Variants in UBE3C observed in about 807,000 individuals in gnomAD.
The protein encoded by UBE3C is ubiquitin-protein ligase E3C.
In UBE3C, 42 loss-of-function variants were observed where a neutral mutation model predicts 129.4. The ratio of observed to expected loss-of-function variants is 0.32; its 90% confidence interval spans 0.25 to 0.42. The LOEUF is 0.42. Among genes scored for constraint, UBE3C ranks in the 10% least tolerant of loss-of-function variants. UBE3C has a pLI of 1.00. For synonymous variants in UBE3C, 510 were observed against 492.4 expected (o/e 1.04, Z -0.47); for missense variants, 1,049 against 1,319.1 (o/e 0.80, Z 3.17).
chr7:157,139,449 T>G lies in UBE3C; in HGVS notation c.66+111T>G. The G allele has an allele frequency of 1.2e-5, 6 of 486,376 alleles. No homozygotes were observed. The South Asian group carries it at 1.4e-4, about 12-fold the overall frequency. The allele number at this position is 486,376 out of a possible 1,614,324, so 30.1% of individuals were successfully genotyped here. On this transcript the variant is annotated intron_variant, in intron 1 of 22. Transcript: ENST00000348165. ...TGGACTCGGGGCCGAGACTTGGGGCTGGATTCGGGGCCTCCCTGGCGGGGA... is the reference window on the plus strand; with the variant it reads ...TGGACTCGGGGCCGAGACTTGGGGCGGGATTCGGGGCCTCCCTGGCGGGGA...
chr7:157,184,657 A>T (rs1808759782), intron 9 of UBE3C, among the ~76,000 whole-genome samples: 1 of 152,216 alleles, frequency 6.6e-6, no homozygotes, highest in South Asian at 2.1e-4. Flanking sequence ...TATATTGATT[A>T]CTACTAAGTG....
At chr7:157,183,344 G>C (rs188080269) in intron 8 of UBE3C, among the ~76,000 whole-genome samples, 11 of 152,182 alleles carry the variant, frequency 7.2e-5, no homozygotes, top group African/African-American at 2.4e-4. Flanking sequence ...ATTGGTAATT[G>C]ACTAAGACAG....
intron 19 of UBE3C, among the ~76,000 whole-genome samples, chr7:157,251,122 T>C (rs1459343907): frequency 1.3e-5 from 2 of 152,232 alleles, no homozygotes; most frequent in African/African-American, 2.4e-5. Flanking sequence ...GTGAAGCACC[T>C]AATTTAGAGG....
intron 14 of UBE3C, among the ~76,000 whole-genome samples, chr7:157,220,031 C>A (rs1288856268): frequency 1.3e-5 from 2 of 151,942 alleles, no homozygotes; most frequent in Non-Finnish European, 2.9e-5. Flanking sequence ...GGCAAGATAG[C>A]AAAACCCCAT....
At chr7:157,235,184 T>C (rs73176427) in intron 18 of UBE3C, among the ~76,000 whole-genome samples, 29,875 of 151,936 alleles carry the variant, frequency 0.2, 3,131 homozygotes, top group East Asian at 0.39. Context: ...AGCAAAACTC[T>C]GTCTCAAATT....
chr7:157,168,244 G>A (rs978442715), intron 2 of UBE3C, among the ~76,000 whole-genome samples: 45 of 151,336 alleles, frequency 3.0e-4, no homozygotes, highest in Admixed American at 5.9e-4. Flanking sequence ...CCAGCTACTC[G>A]GGAGGCTGAG....
chr7:157,250,014 G>A (rs1050063789), intron 19 of UBE3C, among the ~76,000 whole-genome samples: 17 of 152,080 alleles, frequency 1.1e-4, no homozygotes, highest in African/African-American at 3.9e-4. Context: ...AATTTGGGGG[G>A]AAAAAATACA....
chr7:157,235,666 A>G (rs961148202), intron 18 of UBE3C, among the ~76,000 whole-genome samples: 2 of 152,242 alleles, frequency 1.3e-5, no homozygotes, highest in Non-Finnish European at 2.9e-5. Context: ...TATGTAAGTT[A>G]TATCTTATTA....
intron 10 of UBE3C, among the ~76,000 whole-genome samples, chr7:157,188,363 A>C (rs1808866416): frequency 6.6e-6 from 1 of 152,254 alleles, no homozygotes; most frequent in South Asian, 2.1e-4. Flanking sequence ...AATGTGGCCA[A>C]CTAATGAGGT....
chr7:157,261,339 A>T (rs991523379), intron 22 of UBE3C, among the ~76,000 whole-genome samples: 3 of 102,156 alleles, frequency 2.9e-5, no homozygotes, highest in African/African-American at 7.3e-5. Flanking sequence ...AAAAAAAAAA[A>T]TCCCAAATAG....
At chr7:157,190,854 A>G (rs1808942447) in intron 10 of UBE3C, among the ~76,000 whole-genome samples, 1 of 152,222 alleles carries the variant, frequency 6.6e-6, no homozygotes, top group Admixed American at 6.5e-5. Context: ...AAAAAGGCAT[A>G]TCTTGCATTT....
Position 157,231,604 on chromosome 7 carries a change from C to T in UBE3C, c.2481+277C>T, listed in dbSNP as rs78185185. The T allele has an allele frequency of 1.7e-3, 665 of 395,780 alleles. 2 individuals are homozygous for T. Among genetic ancestry groups the T allele is most frequent in the African/African-American group, 0.012 (563 of 48,756 alleles). The allele number at this position is 395,780 out of a possible 1,614,324, so 24.5% of individuals were successfully genotyped here. The stretch of plus-strand genomic sequence containing the variant: ...GGTGATTAGATCATGTGAGCTCGGC[C>T]GTCATGAATGGATGAGTGGTTTATT... On this transcript the variant is annotated intron_variant, in intron 18 of 22. Transcript: ENST00000348165.
At chr7:157,245,087 C>G (rs758764587) in intron 18 of UBE3C, among the ~76,000 whole-genome samples, 1 of 152,202 alleles carries the variant, frequency 6.6e-6, no homozygotes, top group Non-Finnish European at 1.5e-5. Context: ...TTAGCTGATG[C>G]AATCATAGTT....
At chr7:157,246,279 T>C (rs1416758436) in intron 18 of UBE3C, among the ~76,000 whole-genome samples, 1 of 152,214 alleles carries the variant, frequency 6.6e-6, no homozygotes, top group Non-Finnish European at 1.5e-5. Flanking sequence ...GGTTGGAAGC[T>C]GTGACTAAGC....
intron 18 of UBE3C, among the ~76,000 whole-genome samples, chr7:157,242,838 C>CCT (rs1301574300): frequency 1.3e-5 from 2 of 151,974 alleles, no homozygotes; most frequent in South Asian, 2.1e-4. Context: ...GGGAGAATCA[C>CCT]GAGGTCAGGA....
At chr7:157,146,191 G>A (rs755669710) in intron 1 of UBE3C, among the ~76,000 whole-genome samples, 1 of 151,890 alleles carries the variant, frequency 6.6e-6, no homozygotes, top group Non-Finnish European at 1.5e-5. Flanking sequence ...TCCATTGAAT[G>A]CCTGCCTTTG....
chr7:157,172,191 C>A (rs141336849), intron 4 of UBE3C, among the ~76,000 whole-genome samples: 42 of 151,810 alleles, frequency 2.8e-4, no homozygotes, highest in Non-Finnish European at 3.5e-4. Context: ...GCCACCACCC[C>A]TAGCTTAAAT....
chr7:157,225,692 T>C (rs909690041), intron 17 of UBE3C, among the ~76,000 whole-genome samples, 153 bp downstream of exon 17: 10 of 152,198 alleles, frequency 6.6e-5, no homozygotes, highest in Non-Finnish European at 8.8e-5. Context: ...CTCACACCTA[T>C]AATCCCAGCA....
At chr7:157,211,191 A>AGAGAGAGAGAGAGAGCGC (rs1481725592) in intron 13 of UBE3C, among the ~76,000 whole-genome samples, 1 of 151,588 alleles carries the variant, frequency 6.6e-6, no homozygotes, top group Non-Finnish European at 1.5e-5. Flanking sequence ...AGAGAGAGAG[A>AGAGAGAGAGAGAGAGCGC]GAGCCATACT....
Sources: allele counts gnomAD v4.1 joint callset (sites outside exome capture counted in the v4.1 genomes callset), GRCh38; gene constraint gnomAD v4.1.1; transcripts MANE v1.5; gene names NCBI Gene and HGNC (gene_info 2026-07-23, HGNC 2026-07-21).